SORCS1: variants seen among roughly 807,000 people sequenced by gnomAD.
SORCS1 encodes VPS10 domain-containing receptor SorCS1.
In SORCS1, 60 loss-of-function variants were observed where a neutral mutation model predicts 146.1. That is an observed-to-expected ratio of 0.41 (90% CI 0.33 to 0.51). The LOEUF is 0.51. SORCS1 is among the 20% of genes least tolerant of loss of function. SORCS1 has a pLI of 0.21. For synonymous variants in SORCS1, 637 were observed against 584.0 expected (o/e 1.09, Z -1.31); for missense variants, 1,352 against 1,487.6 (o/e 0.91, Z 1.50).
chr10:107,112,163 T>C (rs1554952729), intron 1 of SORCS1, among the ~76,000 whole-genome samples: 3 of 150,068 alleles, frequency 2.0e-5, no homozygotes, highest in Non-Finnish European at 3.0e-5. Context: ...TTAAAAAGCA[T>C]AAAAAAAAAC....
Position 107,100,013 on chromosome 10 carries a change from A to G in SORCS1, c.558+63956T>C, listed in dbSNP as rs188759841. 2.8e-3 allele frequency among the ~76,000 whole-genome samples: 431 copies of G among 152,338 alleles called. 1 individual carries two copies. Among genetic ancestry groups the G allele is most frequent in the African/African-American group, 9.0e-3 (374 of 41,574 alleles). ...CTCTCTTGCATTTGCACATGCAGAA[A>G]GGGGCAGACATGTCTGTTCCTGAGA... On this transcript the variant is annotated intron_variant, in intron 1 of 25. Coordinates refer to ENST00000263054, the MANE Select transcript of SORCS1 (RefSeq NM_052918.5).
At chr10:106,670,130 T>C (rs1200937601) in intron 16 of SORCS1, among the ~76,000 whole-genome samples, 1 of 152,120 alleles carries the variant, frequency 6.6e-6, no homozygotes, top group Non-Finnish European at 1.5e-5. Context: ...AATAAACGAA[T>C]ACATGAAAAC....
chr10:106,836,343 G>A (rs994607092), intron 2 of SORCS1, among the ~76,000 whole-genome samples: 144 of 151,658 alleles, frequency 9.5e-4, no homozygotes, highest in African/African-American at 3.4e-3. Context: ...GCATGGTGGT[G>A]GGCGCCTGTA....
chr10:106,946,034 A>G (rs750323882), intron 2 of SORCS1, among the ~76,000 whole-genome samples: 6 of 152,172 alleles, frequency 3.9e-5, no homozygotes, highest in Non-Finnish European at 7.4e-5. Flanking sequence ...CCCACTTGGC[A>G]CTGGTTATGC....
In SORCS1 at chr10:106,730,053, C is replaced by G. The variant is rs34595034; in HGVS notation, c.1021G>C (p.Gly341Arg). ...GCGGCAAAGTTGATTTACTTACGAC[C>G]ATCCACAGTTCTGGCCTCAAGATGC... is the stretch of plus-strand genomic sequence containing the variant. ...LVHLEARTVD[G>R]HSHYLTCRMQ... The change falls in exon 6 of 26, where the codon GGT becomes CGT. Residue 341 changes from glycine to arginine, a missense_variant. By Grantham distance (125) the Gly-to-Arg change is moderately radical. Around this residue, in one of 3 missense-constraint regions of SORCS1, gnomAD observed 490 missense variants for 489.1 expected, o/e 1.00. Transcript: ENST00000263054. 208 of 1,614,110 alleles carry G rather than the reference C, an allele frequency of 1.3e-4. No individual in the cohort carries two copies. The African/African-American group carries it at 2.6e-3, about 20-fold the overall frequency.
intron 2 of SORCS1, among the ~76,000 whole-genome samples, chr10:106,834,191 T>C (rs985235910): frequency 2.0e-5 from 3 of 152,184 alleles, no homozygotes; most frequent in Non-Finnish European, 4.4e-5. Flanking sequence ...TAGTCTCCTA[T>C]GGACATGAGC....
At chr10:106,770,289 A>G (rs1028241536) in intron 4 of SORCS1, among the ~76,000 whole-genome samples, 1 of 152,164 alleles carries the variant, frequency 6.6e-6, no homozygotes, top group African/African-American at 2.4e-5. Flanking sequence ...AAAGAAGATC[A>G]GGAATGAAGC....
At chr10:106,973,986 G>C (rs1955895987) in intron 1 of SORCS1, among the ~76,000 whole-genome samples, 1 of 152,222 alleles carries the variant, frequency 6.6e-6, no homozygotes, top group Non-Finnish European at 1.5e-5. Context: ...GAATTTGTTT[G>C]GATCTGGAGT....
intron 2 of SORCS1, among the ~76,000 whole-genome samples, chr10:106,928,188 A>C (rs1953180959): frequency 6.6e-6 from 1 of 152,230 alleles, no homozygotes; most frequent in Non-Finnish European, 1.5e-5. Context: ...CGGGCCGCAC[A>C]GGAGCCCACG....
At chr10:106,579,511 G>T (rs375314830) in intron 24 of SORCS1, 37 bp from the exon 25 acceptor site, 1 of 1,605,244 alleles carries the variant, frequency 6.2e-7, no homozygotes, top group Non-Finnish European at 8.5e-7. Context: ...AATGAGCAGA[G>T]AACTGGGCAG....
At chr10:107,077,799 A>C (rs1363640344) in intron 1 of SORCS1, among the ~76,000 whole-genome samples, 1 of 152,042 alleles carries the variant, frequency 6.6e-6, no homozygotes, top group African/African-American at 2.4e-5. Context: ...TCTACTCTAA[A>C]TATACTACAT....
At chr10:106,651,507 G>GT (rs1183699381) in intron 18 of SORCS1, among the ~76,000 whole-genome samples, 20 of 152,242 alleles carry the variant, frequency 1.3e-4, no homozygotes, top group Middle Eastern at 3.4e-3. Flanking sequence ...CTTATACATG[G>GT]TAAAAACTGA....
At chr10:106,986,546 G>C (rs111279832) in intron 1 of SORCS1, among the ~76,000 whole-genome samples, 68 of 133,064 alleles carry the variant, frequency 5.1e-4, no homozygotes, top group African/African-American at 1.7e-3. Flanking sequence ...GTGTGTGTGT[G>C]TGTCTGTGAG....
At chr10:106,904,941 A>G (rs1951851646) in intron 2 of SORCS1, among the ~76,000 whole-genome samples, 1 of 152,266 alleles carries the variant, frequency 6.6e-6, no homozygotes, top group Non-Finnish European at 1.5e-5. Context: ...AATAACTGCA[A>G]TTACAGACTA....
intron 18 of SORCS1, among the ~76,000 whole-genome samples, chr10:106,639,888 C>T (rs977096581): frequency 1.3e-5 from 2 of 151,944 alleles, no homozygotes; most frequent in African/African-American, 2.4e-5. Flanking sequence ...TGTGGTGGCA[C>T]GTGCCTGTTA....
intron 1 of SORCS1, among the ~76,000 whole-genome samples, chr10:107,015,367 C>A (rs1361412514): frequency 6.6e-6 from 1 of 152,006 alleles, no homozygotes; most frequent in African/African-American, 2.4e-5. Flanking sequence ...TAGAGCAGGG[C>A]AAGGAGGTTT....
At chr10:106,659,038 G>T (rs1479505156) in intron 17 of SORCS1, among the ~76,000 whole-genome samples, 1 of 152,208 alleles carries the variant, frequency 6.6e-6, no homozygotes, top group African/African-American at 2.4e-5. Context: ...GGGATCCCAT[G>T]TGACAAAGTA....
intron 1 of SORCS1, among the ~76,000 whole-genome samples, chr10:107,120,367 A>G (rs1234521595): frequency 6.6e-6 from 1 of 152,224 alleles, no homozygotes; most frequent in Non-Finnish European, 1.5e-5. Context: ...TAAAGAAAGT[A>G]ATAAAAAAAT....
intron 2 of SORCS1, among the ~76,000 whole-genome samples, chr10:106,848,360 G>T (rs1230686049): frequency 4.1e-5 from 2 of 49,264 alleles, no homozygotes; most frequent in African/African-American, 1.3e-4. Context: ...TGTCTCTTTT[G>T]ATCTTTGTTG....
Sources: gnomAD v4.1 joint callset for allele counts (sites outside exome capture counted in the v4.1 genomes callset) on GRCh38, gnomAD v4.1.1 for gene constraint, gnomAD v4.1.1 regional missense constraint, MANE v1.5 for transcripts, NCBI Gene and HGNC (gene_info 2026-07-23, HGNC 2026-07-21) for gene names.